Variants in PPP1R21 observed in about 807,000 individuals in gnomAD.
PPP1R21 encodes KLRAQ motif containing 1.
In PPP1R21, 85 loss-of-function variants were observed where a neutral mutation model predicts 112.8. The ratio of observed to expected loss-of-function variants is 0.75; its 90% CI spans 0.63 to 0.90. The LOEUF is 0.90. PPP1R21 is among the 40% of genes least tolerant of loss of function. The pLI is 0.00. For missense variants in PPP1R21, 1,199 were observed against 901.5 expected (o/e 1.33, Z -4.23); for synonymous variants, 381 against 322.3 (o/e 1.18, Z -1.95).
chr2:48,466,601 G>T lies in PPP1R21; in HGVS notation c.897+959G>T, dbSNP rs1218892738. On this transcript the variant is annotated intron_variant, in intron 9 of 21. Coordinates refer to ENST00000294952, the MANE Select transcript of PPP1R21 (RefSeq NM_001135629.3). Reference sequence around the variant, plus strand: ...CAGTAAGTGGTATGAGATCACCGGGGAATGGAGGTCACTGTAGGTGGTAAT... The same window carrying T: ...CAGTAAGTGGTATGAGATCACCGGGTAATGGAGGTCACTGTAGGTGGTAAT... Among the ~76,000 whole-genome samples the T allele has an allele frequency of 2.0e-5, 3 of 152,250 alleles. No individual in the cohort carries two copies. The East Asian group carries it at 5.8e-4, about 29-fold the overall frequency.
intron 7 of PPP1R21, among the ~76,000 whole-genome samples, chr2:48,462,687 T>TGA (rs1366722867): frequency 1.3e-5 from 2 of 152,204 alleles, no homozygotes; most frequent in Non-Finnish European, 2.9e-5. Flanking sequence ...CCTAGTGTTC[T>TGA]GGTCTAAGGA....
intron 9 of PPP1R21, among the ~76,000 whole-genome samples, chr2:48,468,829 A>ATGTGTGTG (rs113373775): frequency 0.33 from 47,758 of 146,248 alleles, 8,150 homozygotes; most frequent in South Asian, 0.51. Context: ...AAAAAAATGT[A>ATGTGTGTG]TGTGTGTGTG....
chr2:48,490,039 T>C (rs556222922), intron 14 of PPP1R21, among the ~76,000 whole-genome samples: 1 of 151,888 alleles, frequency 6.6e-6, no homozygotes, highest in South Asian at 2.1e-4. Context: ...AGCAAGACTC[T>C]GTTTCAAACA....
chr2:48,491,549 GAA>G (rs200525988), intron 15 of PPP1R21, among the ~76,000 whole-genome samples: 5 of 60,976 alleles, frequency 8.2e-5, no homozygotes, highest in Non-Finnish European at 1.3e-4. Context: ...CAAAAAAAAA[GAA>G]AAAAAAAAGA....
At chr2:48,468,886 T>C (rs1668328641) in intron 9 of PPP1R21, among the ~76,000 whole-genome samples, 1 of 151,684 alleles carries the variant, frequency 6.6e-6, no homozygotes, top group South Asian at 2.1e-4. Context: ...TGTATATATA[T>C]GTATAAGTCC....
At chr2:48,487,802 C>G (rs187476940) in intron 14 of PPP1R21, among the ~76,000 whole-genome samples, 1 of 151,778 alleles carries the variant, frequency 6.6e-6, no homozygotes, top group Non-Finnish European at 1.5e-5. Context: ...ATGGATATTC[C>G]TGTTTCAGCA....
intron 19 of PPP1R21, among the ~76,000 whole-genome samples, chr2:48,509,751 T>G (rs1670547533): frequency 6.6e-6 from 1 of 152,148 alleles, no homozygotes; most frequent in South Asian, 2.1e-4. Context: ...ATATAACCAC[T>G]GGTCATCAGG....
At position 48,507,283 on chromosome 2, in the gene PPP1R21, A is replaced by G. The variant is rs1352019076; in HGVS notation, c.1983A>G (p.Glu661=). The G allele has an allele frequency of 1.3e-6, 2 of 1,555,482 alleles. No homozygotes were observed. Among genetic ancestry groups the G allele is most frequent in the African/African-American group, 1.4e-5 (1 of 71,004 alleles). The change falls in exon 19 of 22, where the codon GAA becomes GAG. Residue 661 remains glutamate (E), a synonymous_variant. Coordinates refer to ENST00000294952, the MANE Select transcript of PPP1R21 (RefSeq NM_001135629.3). ...GTTCTATTTAGGTTCCAGATGTGGA[A>G]TCTCGTGAAGACTTAATTAAAAATC... ...RTSDSEVPDV[E]SREDLIKNHY...
chr2:48,514,635 C>A (rs1670792666), intron 21 of PPP1R21, 80 bp from the exon 22 acceptor site: 2 of 1,044,900 alleles, frequency 1.9e-6, no homozygotes, highest in South Asian at 1.3e-5. Context: ...ATATGGCTTT[C>A]AGACAGCTTG....
chr2:48,470,963 A>G, intron 9 of PPP1R21, 124 bp from the exon 10 acceptor site: 1 of 669,190 alleles, frequency 1.5e-6, no homozygotes, highest in South Asian at 2.1e-5. Context: ...CAGGAGTTTG[A>G]GGCTGCAGTG....
chr2:48,507,246 A>C (rs201917735), intron 18 of PPP1R21, 23 bp from the exon 19 acceptor site: 1 of 1,275,184 alleles, frequency 7.8e-7, no homozygotes, highest in African/African-American at 2.0e-5. Context: ...TTGTTTATTT[A>C]TGTGTATTTG....
At position 48,445,071 on chromosome 2, in the gene PPP1R21, T is replaced by A. The variant is rs1005735921; in HGVS notation, c.57+4061T>A. Reference sequence around the variant, plus strand: ...GATAACAGGACTTGGCAGTACCTGATTTATCACCTACTTTTATAGAGAAAT... The same window carrying A: ...GATAACAGGACTTGGCAGTACCTGAATTATCACCTACTTTTATAGAGAAAT... On this transcript the variant is annotated intron_variant, in intron 1 of 21. Coordinates refer to ENST00000294952, the MANE Select transcript of PPP1R21 (RefSeq NM_001135629.3). 7.9e-5 allele frequency among the ~76,000 whole-genome samples: 12 copies of A among 152,012 alleles called. No homozygotes were observed. In the South Asian group the frequency reaches 8.3e-4, roughly 11 times the overall value.
Position 48,440,831 on chromosome 2 carries a change from G to GCGA in PPP1R21, c.-121_-120insACG. The GCGA allele has an allele frequency of 1.4e-6, 1 of 703,884 alleles. No individual in the cohort carries two copies. The highest frequency in any genetic ancestry group is 1.7e-5 in the South Asian group (1 of 58,994). 43.6% of individuals were successfully genotyped at this position (703,884 alleles called of 1,614,324 possible). A position where few individuals can be genotyped will look rare whatever the true frequency, so the allele number is the denominator to read the frequency against. On this transcript the variant is annotated 5_prime_UTR_variant, in exon 1 of 22. Coordinates refer to ENST00000294952, the MANE Select transcript of PPP1R21 (RefSeq NM_001135629.3). ...AGGAGGCGCGGCGGCGGCGGCGGCG[G>GCGA]CGGCTGCGGTGGCCAAGCAGGCAGA...
intron 16 of PPP1R21, among the ~76,000 whole-genome samples, chr2:48,497,727 C>A (rs1669910185): frequency 6.6e-6 from 1 of 150,844 alleles, no homozygotes. Context: ...TCTCGGCTCA[C>A]TGCAAACTCC....
At chr2:48,479,344 G>A (rs1668899393) in intron 12 of PPP1R21, 1 of 379,608 alleles carries the variant, frequency 2.6e-6, no homozygotes, top group Non-Finnish European at 5.3e-6. Flanking sequence ...GGGAGGTAGT[G>A]ATTCTTGGTT....
intron 9 of PPP1R21, among the ~76,000 whole-genome samples, chr2:48,469,426 TAGAGCATATATATATATAGAG>T (rs1668379065): frequency 9.6e-6 from 1 of 104,374 alleles, no homozygotes; most frequent in African/African-American, 3.6e-5. Context: ...CATATATATA[TAGAGCATATATATATATAGAG>T]AGAGCATATA....
Position 48,471,381 on chromosome 2 carries a change from G to A in PPP1R21, c.1088+14G>A. On this transcript the variant is annotated intron_variant, in intron 11 of 21. Coordinates refer to ENST00000294952, the MANE Select transcript of PPP1R21 (RefSeq NM_001135629.3). ...TCAGTTAAAAAGGTAGTTACCCCCG[G>A]AGGCCAGGGAACTTGGGGAATTGTG... 3.1e-6 allele frequency: 5 copies of A among 1,591,200 alleles called. No individual in the cohort carries two copies. Among genetic ancestry groups the A allele is most frequent in the Non-Finnish European group, 4.3e-6 (5 of 1,172,338 alleles).
At chr2:48,448,314 C>T (rs528117422) in intron 1 of PPP1R21, among the ~76,000 whole-genome samples, 39 of 152,216 alleles carry the variant, frequency 2.6e-4, no homozygotes, top group African/African-American at 8.7e-4. Context: ...TATTAAATTC[C>T]TAACAGCAAT....
At chr2:48,511,598 A>C in intron 21 of PPP1R21, 130 bp downstream of exon 21, 1 of 1,128,284 alleles carries the variant, frequency 8.9e-7, no homozygotes, top group Non-Finnish European at 1.2e-6. Flanking sequence ...GCAGTGGCTT[A>C]AGCCTGTAAT....
Sources: allele counts gnomAD v4.1 joint callset (sites outside exome capture counted in the v4.1 genomes callset), GRCh38; gene constraint gnomAD v4.1.1; transcripts MANE v1.5; gene names NCBI Gene and HGNC (gene_info 2026-07-23, HGNC 2026-07-21).